Variants in PPP1R21 observed in about 807,000 individuals in gnomAD.
PPP1R21 encodes protein phosphatase 1 regulatory subunit 21.
Under a neutral mutation model 112.8 loss-of-function variants are expected in PPP1R21, and 85 were observed. The ratio of observed to expected loss-of-function variants is 0.75; its 90% CI spans 0.63 to 0.90. PPP1R21 has a LOEUF of 0.90. PPP1R21 is among the 40% of genes least tolerant of loss of function. The pLI is 0.00. For synonymous variants in PPP1R21, 381 were observed against 322.3 expected, an observed-to-expected ratio of 1.18 and a Z score of -1.95; for missense variants, 1,199 against 901.5, an observed-to-expected ratio of 1.33 and a Z score of -4.23.
chr2:48,455,593 G>T (rs1319297475), intron 3 of PPP1R21, among the ~76,000 whole-genome samples: 1 of 152,158 alleles, frequency 6.6e-6, no homozygotes, highest in Non-Finnish European at 1.5e-5. Context: ...TTGGTTTAGT[G>T]GCCGAGAAGA....
chr2:48,452,087 G>A (rs1209104936), intron 2 of PPP1R21, among the ~76,000 whole-genome samples: 2 of 152,154 alleles, frequency 1.3e-5, no homozygotes, highest in African/African-American at 4.8e-5. Flanking sequence ...GGATTTATTA[G>A]TCAAGTTATT....
At position 48,465,505 on chromosome 2, in the gene PPP1R21, G is replaced by C; in HGVS notation, c.760G>C (p.Asp254His). 1 of 1,609,814 alleles carries C rather than the reference G, an allele frequency of 6.2e-7. No homozygotes were observed. The highest frequency in any genetic ancestry group is 2.2e-5 in the East Asian group (1 of 44,860). Residue 254 changes from aspartate to histidine, a missense_variant, in exon 9 of 22, where the codon GAT becomes CAT. Asp to His is a moderately conservative substitution (Grantham distance 81). Transcript: ENST00000294952. ...TTTCATTTTAAAGCTGAAGATGCGA[G>C]ATATTGCTGGGCAGGCCCTGGCTTT... Reference protein sequence around the residue: ...HNRRHQLKMRDIAGQALAFVQ... With the variant: ...HNRRHQLKMRHIAGQALAFVQ...
intron 3 of PPP1R21, among the ~76,000 whole-genome samples, chr2:48,457,166 G>T (rs944837194): frequency 6.6e-6 from 1 of 152,160 alleles, no homozygotes; most frequent in African/African-American, 2.4e-5. Flanking sequence ...GGACTGTTGA[G>T]CAGAGGTTTG....
rs112349503 is a variant in PPP1R21, at chr2:48,445,975, G to A, written c.57+4965G>A. Among the ~76,000 whole-genome samples, 547 of 152,318 alleles carry A rather than the reference G, an allele frequency of 3.6e-3. 8 individuals carry two copies. The highest frequency in any genetic ancestry group is 0.012 in the African/African-American group (519 of 41,564). On this transcript the variant is annotated intron_variant, in intron 1 of 21. Coordinates refer to ENST00000294952, the MANE Select transcript of PPP1R21 (RefSeq NM_001135629.3). Reference sequence around the variant, plus strand: ...CAGCTGGGGTCTGCACATGACTTCAGTATTCTGAAGCTTTGAATCAGGGTT... The same window carrying A: ...CAGCTGGGGTCTGCACATGACTTCAATATTCTGAAGCTTTGAATCAGGGTT...
At chr2:48,503,289 T>G (rs1319999902) in intron 17 of PPP1R21, among the ~76,000 whole-genome samples, 1 of 152,218 alleles carries the variant, frequency 6.6e-6, no homozygotes, top group African/African-American at 2.4e-5. Flanking sequence ...GACACTGTAC[T>G]ACATAAAATT....
intron 7 of PPP1R21, among the ~76,000 whole-genome samples, chr2:48,461,813 G>T (rs1379906549): frequency 6.6e-6 from 1 of 151,954 alleles, no homozygotes; most frequent in Non-Finnish European, 1.5e-5. Context: ...ATATTTGCTT[G>T]TTTGGATTTT....
chr2:48,514,144 G>A (rs945696605), intron 21 of PPP1R21, among the ~76,000 whole-genome samples: 2 of 135,764 alleles, frequency 1.5e-5, no homozygotes, highest in African/African-American at 2.8e-5. Flanking sequence ...CCATTCTCCC[G>A]GCGCCATCTT....
At chr2:48,507,421 C>A (rs561416525) in intron 19 of PPP1R21, 36 bp downstream of exon 19, 2 of 1,585,218 alleles carry the variant, frequency 1.3e-6, no homozygotes, top group Admixed American at 3.8e-5. Context: ...TGGTTTTTTT[C>A]CTAACCCCTG....
chr2:48,482,218 A>G (rs2103899807), intron 13 of PPP1R21, among the ~76,000 whole-genome samples: 1 of 152,322 alleles, frequency 6.6e-6, no homozygotes, highest in East Asian at 1.9e-4. Context: ...AACAAGTGGC[A>G]TTTTGTTTTG....
chr2:48,512,525 A>T (rs1198417684), intron 21 of PPP1R21, among the ~76,000 whole-genome samples: 2 of 147,444 alleles, frequency 1.4e-5, no homozygotes, highest in Non-Finnish European at 2.9e-5. Flanking sequence ...GGAGAAATAG[A>T]GATGAAGAAA....
chr2:48,477,987 A>G (rs1257963201), intron 12 of PPP1R21, among the ~76,000 whole-genome samples: 1 of 152,220 alleles, frequency 6.6e-6, no homozygotes, highest in African/African-American at 2.4e-5. Context: ...CCTTATAAGG[A>G]GAGAGAGATT....
chr2:48,448,507 A>G (rs1667343564), intron 1 of PPP1R21, among the ~76,000 whole-genome samples: 1 of 147,750 alleles, frequency 6.8e-6, no homozygotes, highest in African/African-American at 2.5e-5. Context: ...TCCTTGAAGT[A>G]GTCGTTAGGA....
At chr2:48,497,937 C>T (rs1669926030) in intron 16 of PPP1R21, among the ~76,000 whole-genome samples, 1 of 151,976 alleles carries the variant, frequency 6.6e-6, no homozygotes, top group Admixed American at 6.6e-5. Context: ...AGTCATGAGC[C>T]ACCGTGCCTG....
rs539822837 is a variant in PPP1R21, at chr2:48,463,987, AG to A, written c.695-948del. On this transcript the variant is annotated intron_variant, in intron 7 of 21. Coordinates refer to ENST00000294952, the MANE Select transcript of PPP1R21 (RefSeq NM_001135629.3). Reference sequence around the variant, plus strand: ...GGATAGATGCCATGGGAAATAAAATAGGCACACGGCAATGAAATTGTGGATT... The same window carrying A: ...GGATAGATGCCATGGGAAATAAAATAGCACACGGCAATGAAATTGTGGATT... Among the ~76,000 whole-genome samples, 28 of 152,274 alleles carry A rather than the reference AG, an allele frequency of 1.8e-4. No homozygotes were observed. In the East Asian group the frequency reaches 3.9e-3, roughly 21 times the overall value.
chr2:48,455,009 T>G (rs1038444524), intron 3 of PPP1R21, among the ~76,000 whole-genome samples: 1 of 152,162 alleles, frequency 6.6e-6, no homozygotes, highest in African/African-American at 2.4e-5. Context: ...GGCTAATTTT[T>G]GTATTTTTTG....
chr2:48,505,590 CAGTG>C lies in PPP1R21; in HGVS notation c.1965_1968del (p.Ser655ArgfsTer11). 1 of 1,550,212 alleles carries C rather than the reference CAGTG, an allele frequency of 6.5e-7. No homozygotes were observed. The highest frequency in any genetic ancestry group is 8.7e-7 in the Non-Finnish European group (1 of 1,145,156). On this transcript the variant is annotated frameshift_variant and splice_region_variant, in exon 18 of 22. Coordinates refer to ENST00000294952, the MANE Select transcript of PPP1R21 (RefSeq NM_001135629.3). LOFTEE classifies it high-confidence loss of function. ...TTGGGACTTTAACCAGGACATCTGA[CAGTG>C]AGGTAACATGTGCTTGTCATCATGT...
intron 19 of PPP1R21, 28 bp downstream of exon 19, chr2:48,507,413 GT>G (rs1356091584): frequency 7.6e-6 from 12 of 1,586,188 alleles, no homozygotes; most frequent in Admixed American, 5.6e-5. Flanking sequence ...TAGATTGGTG[GT>G]TTTTTTCCTA....
intron 13 of PPP1R21, among the ~76,000 whole-genome samples, chr2:48,480,623 T>C (rs1023232345): frequency 6.6e-6 from 1 of 152,188 alleles, no homozygotes; most frequent in Non-Finnish European, 1.5e-5. Context: ...TCCTGACTAA[T>C]CTACAACTTT....
chr2:48,503,968 A>AT lies in PPP1R21; in HGVS notation c.1936-1596_1936-1595insT, dbSNP rs397782937. ...ACTATGTCTCAAAAAAAAAAAAAAA[A>AT]GTTTTCCTTGCATTTATACAGTACC... is the stretch of plus-strand genomic sequence containing the variant. On this transcript the variant is annotated intron_variant, in intron 17 of 21. Coordinates refer to ENST00000294952, the MANE Select transcript of PPP1R21 (RefSeq NM_001135629.3). Among the ~76,000 whole-genome samples, 15 of 149,992 alleles carry AT rather than the reference A, an allele frequency of 1.0e-4. No homozygotes were observed. The South Asian group carries it at 2.1e-3, about 21-fold the overall frequency.
Sources: gnomAD v4.1 joint callset for allele counts (sites outside exome capture counted in the v4.1 genomes callset) on GRCh38, gnomAD v4.1.1 for gene constraint, MANE v1.5 for transcripts, NCBI Gene and HGNC (gene_info 2026-07-23, HGNC 2026-07-21) for gene names.